CNTN5: variants seen among roughly 807,000 people sequenced by gnomAD.
CNTN5 encodes contactin 5, also known as contactin-5.
CNTN5 carries 77 observed loss-of-function variants against 129.1 expected under a neutral mutation model. That is an observed-to-expected ratio of 0.60 (90% confidence interval 0.50 to 0.72). CNTN5 has a LOEUF of 0.72. CNTN5 is among the 30% of genes least tolerant of loss of function. The pLI is 0.00. For synonymous variants in CNTN5, 509 were observed against 465.6 expected, an observed-to-expected ratio of 1.09 and a Z score of -1.20; for missense variants, 1,478 against 1,328.8, an observed-to-expected ratio of 1.11 and a Z score of -1.75.
chr11:99,726,188 A>G (rs1591042265), intron 3 of CNTN5, among the ~76,000 whole-genome samples: 2 of 152,336 alleles, frequency 1.3e-5, no homozygotes, highest in African/African-American at 2.4e-5. Flanking sequence ...GAGGAAACCT[A>G]CATCCTCCCC....
intron 8 of CNTN5, among the ~76,000 whole-genome samples, chr11:99,976,996 C>T (rs1483697617): frequency 6.6e-6 from 1 of 152,206 alleles, no homozygotes; most frequent in Non-Finnish European, 1.5e-5. Flanking sequence ...TTTGTAAACT[C>T]ATATGACTGG....
chr11:99,683,619 T>G (rs566077276), intron 3 of CNTN5, among the ~76,000 whole-genome samples: 34 of 151,958 alleles, frequency 2.2e-4, no homozygotes, highest in South Asian at 8.3e-4. Context: ...TCTGGGTAAT[T>G]TGCATTTTCA....
intron 4 of CNTN5, among the ~76,000 whole-genome samples, chr11:99,838,784 T>C (rs1947384789): frequency 6.6e-6 from 1 of 152,146 alleles, no homozygotes; most frequent in African/African-American, 2.4e-5. Flanking sequence ...GGATATGCAA[T>C]GGTCTTCTTC....
At chr11:99,154,770 G>A (rs1484681227) in intron 1 of CNTN5, among the ~76,000 whole-genome samples, 6 of 152,168 alleles carry the variant, frequency 3.9e-5, no homozygotes, top group Non-Finnish European at 5.9e-5. Context: ...CATGGCCAAG[G>A]TGGGGCCTTG....
At chr11:99,300,201 T>G (rs1222227056) in intron 1 of CNTN5, among the ~76,000 whole-genome samples, 1 of 152,132 alleles carries the variant, frequency 6.6e-6, no homozygotes, top group South Asian at 2.1e-4. Flanking sequence ...GTTCCACTTC[T>G]TAGGGGGAAT....
chr11:99,198,646 A>G (rs1859022890), intron 1 of CNTN5, among the ~76,000 whole-genome samples: 1 of 152,198 alleles, frequency 6.6e-6, no homozygotes, highest in Admixed American at 6.5e-5. Context: ...TTTAAGTGGA[A>G]TATTTTGTGT....
chr11:100,033,926 C>G (rs1326960634), intron 9 of CNTN5, among the ~76,000 whole-genome samples: 1 of 152,176 alleles, frequency 6.6e-6, no homozygotes, highest in Non-Finnish European at 1.5e-5. Flanking sequence ...AAACTTCCCA[C>G]CCTCCATACA....
At chr11:99,539,740 C>A (rs1948032930) in intron 2 of CNTN5, among the ~76,000 whole-genome samples, 1 of 152,066 alleles carries the variant, frequency 6.6e-6, no homozygotes, top group African/African-American at 2.4e-5. Context: ...ATTGCACATA[C>A]TTCCCATACT....
intron 13 of CNTN5, among the ~76,000 whole-genome samples, chr11:100,102,915 G>C (rs1945278297): frequency 6.6e-6 from 1 of 152,072 alleles, no homozygotes; most frequent in Non-Finnish European, 1.5e-5. Context: ...CATAGAACAA[G>C]GGAATCTTTA....
intron 3 of CNTN5, among the ~76,000 whole-genome samples, chr11:99,781,245 A>C (rs1047954009): frequency 2.0e-5 from 3 of 152,040 alleles, no homozygotes; most frequent in African/African-American, 7.2e-5. Context: ...TCCCCACACA[A>C]GGTTTTAGAT....
intron 1 of CNTN5, among the ~76,000 whole-genome samples, chr11:99,234,026 G>A (rs1861141923): frequency 6.6e-6 from 1 of 152,120 alleles, no homozygotes; most frequent in Admixed American, 6.6e-5. Flanking sequence ...GATGTGAAAT[G>A]TTCCCAACAC....
At chr11:99,994,839 G>A (rs1037365397) in intron 8 of CNTN5, among the ~76,000 whole-genome samples, 69 of 152,098 alleles carry the variant, frequency 4.5e-4, no homozygotes, top group Admixed American at 1.3e-4. Flanking sequence ...TGAGTTTATA[G>A]GTATCACCAG....
At chr11:99,397,571 G>A (rs1478545147) in intron 2 of CNTN5, among the ~76,000 whole-genome samples, 1 of 151,454 alleles carries the variant, frequency 6.6e-6, no homozygotes, top group Non-Finnish European at 1.5e-5. Context: ...CTCATTTTAA[G>A]CTTTTGATTA....
At chr11:99,981,135 G>A (rs1938324969) in intron 8 of CNTN5, among the ~76,000 whole-genome samples, 1 of 116,694 alleles carries the variant, frequency 8.6e-6, no homozygotes, top group Admixed American at 9.6e-5. Flanking sequence ...AAAGAGAATT[G>A]ATTAGGGAAA....
intron 2 of CNTN5, among the ~76,000 whole-genome samples, chr11:99,468,480 A>G (rs1945032889): frequency 6.6e-6 from 1 of 152,130 alleles, no homozygotes; most frequent in African/African-American, 2.4e-5. Context: ...TTGTACTTCA[A>G]CAATGTGAAC....
intron 1 of CNTN5, among the ~76,000 whole-genome samples, chr11:99,293,141 G>T (rs764179539): frequency 1.3e-5 from 2 of 151,946 alleles, no homozygotes; most frequent in Non-Finnish European, 2.9e-5. Flanking sequence ...ATGAAGAGAT[G>T]TTGAATGTTA....
At chr11:100,192,009 TC>T (rs1948508555) in intron 14 of CNTN5, among the ~76,000 whole-genome samples, 1 of 151,990 alleles carries the variant, frequency 6.6e-6, no homozygotes, top group Admixed American at 6.6e-5. Context: ...ATTTTTTCTG[TC>T]TTTAAAATAA....
At chr11:99,633,303 G>A (rs1951432090) in intron 3 of CNTN5, among the ~76,000 whole-genome samples, 1 of 152,176 alleles carries the variant, frequency 6.6e-6, no homozygotes, top group Admixed American at 6.5e-5. Flanking sequence ...CCTTGCTCCT[G>A]CTATGCCTGC....
intron 9 of CNTN5, among the ~76,000 whole-genome samples, chr11:100,020,679 TAA>T (rs1470841847): frequency 6.6e-6 from 1 of 152,050 alleles, no homozygotes; most frequent in African/African-American, 2.4e-5. Flanking sequence ...CAGAAAACAT[TAA>T]AGAGTCCAAC....
Sources: allele counts gnomAD v4.1 joint callset (sites outside exome capture counted in the v4.1 genomes callset), GRCh38; gene constraint gnomAD v4.1.1; transcripts MANE v1.5; gene names NCBI Gene and HGNC (gene_info 2026-07-23, HGNC 2026-07-21).